Variants in FLNC observed in about 807,000 individuals in gnomAD.
The protein encoded by FLNC is filamin C, also known as filamin-C.
In FLNC, 91 loss-of-function variants were observed where a neutral mutation model predicts 254.3. That is an observed-to-expected ratio of 0.36 (90% confidence interval 0.30 to 0.43). The LOEUF is 0.43. FLNC is among the 20% of genes least tolerant of loss of function. The probability of loss-of-function intolerance (pLI) is 1.00; values close to 1 mark genes in which losing one functional copy is unlikely to be tolerated. For synonymous variants in FLNC, 1,430 were observed against 1,577.2 expected (o/e 0.91, Z 2.21); for missense variants, 2,853 against 3,802.6 (o/e 0.75, Z 6.57).
chr7:128,833,930 C>T (rs1807991598), intron 1 of FLNC, among the ~76,000 whole-genome samples: 3 of 152,134 alleles, frequency 2.0e-5, no homozygotes. Context: ...TGGGGGAGCC[C>T]AGGCGGCCAG....
chr7:128,831,032 T>C, intron 1 of FLNC, 43 bp downstream of exon 1: 2 of 1,582,030 alleles, frequency 1.3e-6, no homozygotes, highest in Non-Finnish European at 1.7e-6. Flanking sequence ...GGGGATAGGG[T>C]CGTCCCATGG....
chr7:128,845,904 G>A (rs1808542460), intron 21 of FLNC, 86 bp from the exon 22 acceptor site: 3 of 1,194,618 alleles, frequency 2.5e-6, no homozygotes, highest in East Asian at 2.4e-5. Flanking sequence ...AGAGGGAGAG[G>A]AGAGGGAAAG....
At chr7:128,837,590 C>T (rs1808148842) in intron 4 of FLNC, 42 bp downstream of exon 4, 1 of 1,613,642 alleles carries the variant, frequency 6.2e-7, no homozygotes, top group Non-Finnish European at 8.5e-7. Flanking sequence ...CAGCTGGGCA[C>T]ATGTAGGCTC....
Position 128,846,683 on chromosome 7 carries a change from A to G in FLNC, c.4128-62A>G. The G allele has an allele frequency of 1.9e-6, 3 of 1,546,610 alleles. No homozygotes were observed. The South Asian group carries it at 3.4e-5, about 18-fold the overall frequency. On this transcript the variant is annotated intron_variant, in intron 23 of 47. Coordinates refer to ENST00000325888, the MANE Select transcript of FLNC (RefSeq NM_001458.5). ...CTCTTTCCTCCCTGTCCCCCCATTC[A>G]GCTACTCCCTCATCCTCACTCACTG... is the stretch of plus-strand genomic sequence containing the variant.
chr7:128,851,436 G>A lies in FLNC; in HGVS notation c.5669-19G>A. On this transcript the variant is annotated intron_variant, in intron 34 of 47. Transcript: ENST00000325888. ...GGTGAGGGCAGGACCTCTGATCTTG[G>A]CCACACCTCCACCTACAGGGGGTCT... is the stretch of plus-strand genomic sequence containing the variant. 1 of 1,613,908 alleles carries A rather than the reference G, an allele frequency of 6.2e-7. No homozygotes were observed. The highest frequency in any genetic ancestry group is 1.1e-5 in the South Asian group (1 of 91,086).
rs1294213097 is a variant in FLNC, at chr7:128,849,430, C to T, written c.5051C>T (p.Thr1684Met). 17 of 1,614,200 alleles carry T rather than the reference C, an allele frequency of 1.1e-5. No individual in the cohort carries two copies. The highest frequency in any genetic ancestry group is 6.7e-5 in the East Asian group (3 of 44,888). ...GGGAAGGTGACATGCACGGTGTCCA[C>T]GCCGGATGGGGCAGAGCTCGATGTG... is the stretch of plus-strand genomic sequence containing the variant. ...GEGKVTCTVS[T>M]PDGAELDVDV... The change falls in exon 30 of 48, where the codon ACG becomes ATG. Residue 1684 changes from threonine (T) to methionine (M), a missense_variant. This residue lies in a region of FLNC where 258 missense variants were observed against 312.3 expected (regional missense o/e 0.83). Coordinates refer to ENST00000325888, the MANE Select transcript of FLNC (RefSeq NM_001458.5).
intron 42 of FLNC, 87 bp downstream of exon 42, chr7:128,854,999 G>A (rs1808993547): frequency 1.4e-6 from 2 of 1,471,994 alleles, no homozygotes; most frequent in Admixed American, 3.3e-5. Context: ...AGATGCTTGG[G>A]GCCACAGAAC....
rs771037016 is a variant in FLNC at position 128,854,672 on chromosome 7, C to T, written c.6987C>T (p.Ala2329=). Residue 2329 remains alanine (A), a synonymous_variant, in exon 41 of 48, where the codon GCC becomes GCT. Coordinates refer to ENST00000325888, the MANE Select transcript of FLNC (RefSeq NM_001458.5). ...AGGTGLERGV[A]GVPAEFSIWT... ...GCACAGGGCTGGAGCGAGGTGTGGC[C>T]GGCGTGCCAGGTAAGGGGCAGGTGG... 1.1e-4 allele frequency: 175 copies of T among 1,612,228 alleles called. No homozygotes were observed. Among genetic ancestry groups the T allele is most frequent in the Non-Finnish European group, 1.4e-4 (164 of 1,179,278 alleles).
Position 128,849,223 on chromosome 7 carries a change from C to A in FLNC, c.4951+19C>A, listed in dbSNP as rs529995014. 1.9e-6 allele frequency: 3 copies of A among 1,614,170 alleles called. No homozygotes were observed. The South Asian group carries it at 3.3e-5, about 18-fold the overall frequency. ...GGCCTGGGTGAGTGCCCTTTCTCTCCTCTTCTTGGTGTGGGCCAGGGTGGT... is the reference window on the plus strand; with the variant it reads ...GGCCTGGGTGAGTGCCCTTTCTCTCATCTTCTTGGTGTGGGCCAGGGTGGT... On this transcript the variant is annotated intron_variant, in intron 29 of 47. Transcript: ENST00000325888.
chr7:128,857,002 G>C lies in FLNC; in HGVS notation c.7561+81G>C. ...CTGGTGCTGCTTTGCTCCAGAGGTAGGGGCCCTGCTTCCTAAGCCAGGAGT... is the reference window on the plus strand; with the variant it reads ...CTGGTGCTGCTTTGCTCCAGAGGTACGGGCCCTGCTTCCTAAGCCAGGAGT... On this transcript the variant is annotated intron_variant, in intron 45 of 47. Coordinates refer to ENST00000325888, the MANE Select transcript of FLNC (RefSeq NM_001458.5). The surrounding 1 kb of genome is among the most constrained non-coding windows in gnomAD (Gnocchi z 4.5). The C allele has an allele frequency of 6.3e-7, 1 of 1,580,050 alleles. No homozygotes were observed. Among genetic ancestry groups the C allele is most frequent in the Middle Eastern group, 1.7e-4 (1 of 6,000 alleles).
intron 40 of FLNC, 82 bp from the exon 41 acceptor site, chr7:128,854,331 A>G: frequency 6.3e-7 from 1 of 1,597,858 alleles, no homozygotes; most frequent in Non-Finnish European, 8.5e-7. Context: ...TGAGCAGAGG[A>G]GGAGGTTTAA....
intron 24 of FLNC, among the ~76,000 whole-genome samples, chr7:128,847,488 T>A (rs542648386): frequency 6.6e-6 from 1 of 152,346 alleles, no homozygotes; most frequent in South Asian, 2.1e-4. Flanking sequence ...GGGACCCACA[T>A]GAGTGAGGTT....
chr7:128,838,237 A>G (rs771436191), intron 6 of FLNC, 30 bp from the exon 7 acceptor site: 33 of 1,611,070 alleles, frequency 2.0e-5, no homozygotes, highest in Non-Finnish European at 2.8e-5. Context: ...GCTCTCCCCT[A>G]GAAGCTAACC....
rs1333952005 is a variant in FLNC, at chr7:128,851,435, G to C, written c.5669-20G>C. 6.2e-7 allele frequency: 1 copy of C among 1,613,808 alleles called. No homozygotes were observed. The highest frequency in any genetic ancestry group is 1.3e-5 in the African/African-American group (1 of 74,930). ...GGGTGAGGGCAGGACCTCTGATCTTGGCCACACCTCCACCTACAGGGGGTC... is the reference window on the plus strand; with the variant it reads ...GGGTGAGGGCAGGACCTCTGATCTTCGCCACACCTCCACCTACAGGGGGTC... On this transcript the variant is annotated intron_variant, in intron 34 of 47. Coordinates refer to ENST00000325888, the MANE Select transcript of FLNC (RefSeq NM_001458.5).
At chr7:128,847,297 CCGGGCAGGT>C (rs961630188) in intron 24 of FLNC, among the ~76,000 whole-genome samples, 4 of 152,242 alleles carry the variant, frequency 2.6e-5, no homozygotes, top group African/African-American at 9.6e-5. Flanking sequence ...ACCCAGCTGC[CCGGGCAGGT>C]CATGTCTTCA....
In FLNC at chr7:128,857,174, G is replaced by C. The variant is rs746349463; in HGVS notation, c.7618G>C (p.Val2540Leu). The change falls in exon 46 of 48, where the codon GTC becomes CTC. Residue 2540 changes from valine (V) to leucine (L), a missense_variant. By Grantham distance (32) the Val-to-Leu change is conservative. This residue lies in a region of FLNC where 197 missense variants were observed against 351.5 expected (regional missense o/e 0.56). Transcript: ENST00000325888. The surrounding 1 kb of genome is among the most constrained non-coding windows in gnomAD (Gnocchi z 4.5). Reference sequence around the variant, plus strand: ...GAATGCCGGCTCGGGGGCCTTGTCTGTCACCATTGATGGCCCCTCCAAGGT... The same window carrying C: ...GAATGCCGGCTCGGGGGCCTTGTCTCTCACCATTGATGGCCCCTCCAAGGT... ...TLNAGSGALS[V>L]TIDGPSKVQL... is the part of the protein sequence containing the mutation. 55 of 1,614,000 alleles carry C rather than the reference G, an allele frequency of 3.4e-5. No individual in the cohort carries two copies. The highest frequency in any genetic ancestry group is 4.6e-5 in the Non-Finnish European group (54 of 1,180,042).
chr7:128,835,549 C>A lies in FLNC; in HGVS notation c.576C>A (p.Gly192=). The change falls in exon 2 of 48, where the codon GGC becomes GGA. Residue 192 remains glycine, a synonymous_variant. Coordinates refer to ENST00000325888, the MANE Select transcript of FLNC (RefSeq NM_001458.5). The surrounding 1 kb of genome is among the most constrained non-coding windows in gnomAD (Gnocchi z 5.3). ...ACTGGCAGGACGGCAAAGCTCTGGG[C>A]GCCCTGGTGGACAACTGCGCCCCCG... ...NRDWQDGKAL[G]ALVDNCAPGL... 1.5e-5 allele frequency: 25 copies of A among 1,613,400 alleles called. No individual in the cohort carries two copies. Among genetic ancestry groups the A allele is most frequent in the Non-Finnish European group, 2.0e-5 (24 of 1,180,016 alleles).
At chr7:128,847,022 T>A in intron 24 of FLNC, 117 bp downstream of exon 24, 1 of 1,347,348 alleles carries the variant, frequency 7.4e-7, no homozygotes, top group African/African-American at 1.4e-5. Context: ...GAGGACAGCC[T>A]AGAGTGGGTT....
rs1452388323 is a variant in FLNC at position 128,838,762 on chromosome 7, C to T, written c.1370C>T (p.Ala457Val). The T allele has an allele frequency of 6.2e-7, 1 of 1,612,800 alleles. No individual in the cohort carries two copies. Among genetic ancestry groups the T allele is most frequent in the East Asian group, 2.2e-5 (1 of 44,856 alleles). Reference sequence around the variant, plus strand: ...ACCGTGCATGTGGCCTTTGCGGGTGCCCCCATCACCCGCAGTCCCTTCCCT... The same window carrying T: ...ACCGTGCATGTGGCCTTTGCGGGTGTCCCCATCACCCGCAGTCCCTTCCCT... ...PHTVHVAFAG[A>V]PITRSPFPVH... The change falls in exon 8 of 48, where the codon GCC becomes GTC. Residue 457 changes from alanine to valine, a missense_variant. Coordinates refer to ENST00000325888, the MANE Select transcript of FLNC (RefSeq NM_001458.5).
Sources: allele counts gnomAD v4.1 joint callset (sites outside exome capture counted in the v4.1 genomes callset), GRCh38; gene constraint gnomAD v4.1.1; regional missense constraint gnomAD v4.1.1; non-coding constraint Gnocchi (gnomAD v3.1); transcripts MANE v1.5; gene names NCBI Gene and HGNC (gene_info 2026-07-23, HGNC 2026-07-21).